The following STPG2 variants were observed in gnomAD, a reference collection of about 807,000 sequenced individuals.
STPG2 encodes the protein sperm tail PG-rich repeat containing 2.
STPG2 carries 56 observed loss-of-function variants against 54.2 expected under a neutral mutation model. That is an observed-to-expected ratio of 1.03 (90% CI 0.83 to 1.29). STPG2 has a LOEUF of 1.29. STPG2 is among the 50% of genes most tolerant of loss of function. The pLI, the probability that STPG2 is intolerant of heterozygous loss-of-function variation, is 0.00. For synonymous variants in STPG2, 200 were observed against 181.8 expected (o/e 1.10, Z -0.81); for missense variants, 596 against 544.9 (o/e 1.09, Z -0.93).
chr4:97,841,796 T>C (rs1189284451), intron 8 of STPG2, among the ~76,000 whole-genome samples: 3 of 151,802 alleles, frequency 2.0e-5, no homozygotes, highest in Non-Finnish European at 4.4e-5. Flanking sequence ...TCCTGAGTTT[T>C]TGCATGTGAA....
At chr4:97,665,094 C>A (rs1387967375) in intron 10 of STPG2, among the ~76,000 whole-genome samples, 1 of 152,100 alleles carries the variant, frequency 6.6e-6, no homozygotes, top group Non-Finnish European at 1.5e-5. Flanking sequence ...CTCGGAGATG[C>A]CAGGAACTGC....
intron 10 of STPG2, among the ~76,000 whole-genome samples, chr4:97,590,741 A>C (rs1466246259): frequency 6.6e-6 from 1 of 151,994 alleles, no homozygotes; most frequent in Non-Finnish European, 1.5e-5. Context: ...TGCAGGTGTA[A>C]AAATTAGAAT....
At chr4:97,914,286 T>C (rs941737710) in intron 8 of STPG2, among the ~76,000 whole-genome samples, 2 of 152,132 alleles carry the variant, frequency 1.3e-5, no homozygotes, top group Non-Finnish European at 2.9e-5. Flanking sequence ...TGAAGCCCAA[T>C]TGAAAACATT....
intron 10 of STPG2, among the ~76,000 whole-genome samples, chr4:97,627,420 G>C (rs1006249690): frequency 2.6e-4 from 40 of 152,196 alleles, no homozygotes; most frequent in African/African-American, 9.4e-4. Context: ...AAATGAAATT[G>C]CAAAGTAATT....
intron 7 of STPG2, among the ~76,000 whole-genome samples, chr4:97,970,056 AC>A (rs1734267956): frequency 6.6e-6 from 1 of 152,222 alleles, no homozygotes; most frequent in South Asian, 2.1e-4. Flanking sequence ...ACTCCCATTC[AC>A]AATTGCTTCA....
intron 9 of STPG2, among the ~76,000 whole-genome samples, chr4:97,764,147 CACAG>C (rs984165277): frequency 8.2e-5 from 12 of 145,554 alleles, no homozygotes; most frequent in East Asian, 4.3e-4. Context: ...CACACAGAGG[CACAG>C]ACAGACACAC....
chr4:97,798,488 C>T (rs929819035), intron 9 of STPG2, among the ~76,000 whole-genome samples: 6 of 152,082 alleles, frequency 3.9e-5, no homozygotes, highest in Admixed American at 1.3e-4. Context: ...TGCAGTTGAG[C>T]GGTTTTCAGT....
intron 9 of STPG2, among the ~76,000 whole-genome samples, chr4:97,781,486 G>T (rs142584159): frequency 6.6e-6 from 1 of 152,072 alleles, no homozygotes; most frequent in Admixed American, 6.5e-5. Flanking sequence ...ATTCACAGCC[G>T]AATTCTACCA....
chr4:97,937,892 G>A (rs759516210), intron 8 of STPG2, among the ~76,000 whole-genome samples: 3 of 152,154 alleles, frequency 2.0e-5, no homozygotes, highest in East Asian at 1.9e-4. Flanking sequence ...CCCATTTAAC[G>A]AAGCCCTTTG....
intron 7 of STPG2, among the ~76,000 whole-genome samples, chr4:97,946,966 T>C (rs1733250795): frequency 6.6e-6 from 1 of 152,172 alleles, no homozygotes; most frequent in Admixed American, 6.6e-5. Context: ...GCATTGAATC[T>C]GTCGATTGCT....
chr4:98,034,711 A>C (rs922728557), intron 5 of STPG2, among the ~76,000 whole-genome samples: 3 of 152,226 alleles, frequency 2.0e-5, no homozygotes, highest in African/African-American at 7.2e-5. Flanking sequence ...CTACAAGCCT[A>C]CAGTAACCAA....
intron 9 of STPG2, among the ~76,000 whole-genome samples, chr4:97,739,072 C>G (rs1190747012): frequency 6.6e-6 from 1 of 152,012 alleles, no homozygotes; most frequent in Non-Finnish European, 1.5e-5. Context: ...CTCAAAACCG[C>G]TCAACTACAT....
chr4:97,808,940 T>C (rs1227998401), intron 9 of STPG2, among the ~76,000 whole-genome samples: 2 of 151,950 alleles, frequency 1.3e-5, no homozygotes, highest in African/African-American at 2.4e-5. Flanking sequence ...AGTCTCAAAA[T>C]ATATAAAGAA....
At chr4:97,750,762 G>T (rs1560513910) in intron 9 of STPG2, among the ~76,000 whole-genome samples, 1 of 151,636 alleles carries the variant, frequency 6.6e-6, no homozygotes, top group East Asian at 1.9e-4. Flanking sequence ...AAGAAGCAGA[G>T]AGAAAAGAAA....
intron 3 of STPG2, among the ~76,000 whole-genome samples, chr4:98,113,498 T>A (rs1412205568): frequency 1.3e-5 from 2 of 152,094 alleles, no homozygotes; most frequent in Non-Finnish European, 2.9e-5. Context: ...CCTCTAGGAA[T>A]ATTTCCAGCA....
chr4:97,836,626 A>G (rs1379544833), intron 9 of STPG2, among the ~76,000 whole-genome samples: 1 of 151,594 alleles, frequency 6.6e-6, no homozygotes, highest in Non-Finnish European at 1.5e-5. Flanking sequence ...ATTATTTGGA[A>G]TTGATTCACT....
chr4:97,983,116 G>C (rs1424742473), intron 5 of STPG2, among the ~76,000 whole-genome samples: 1 of 152,102 alleles, frequency 6.6e-6, no homozygotes, highest in Non-Finnish European at 1.5e-5. Flanking sequence ...TGCCACCCTT[G>C]AGATAGAAAG....
chr4:97,612,072 T>C (rs1411114907), intron 10 of STPG2, among the ~76,000 whole-genome samples: 2 of 151,780 alleles, frequency 1.3e-5, no homozygotes, highest in African/African-American at 4.8e-5. Flanking sequence ...TGAAGGTCTT[T>C]AAAAATCAAG....
At chr4:97,924,238 C>T (rs1349166062) in intron 8 of STPG2, among the ~76,000 whole-genome samples, 4 of 152,170 alleles carry the variant, frequency 2.6e-5, no homozygotes, top group Non-Finnish European at 4.4e-5. Flanking sequence ...TAACACTCAC[C>T]GCGAGGGTCC....
Sources: allele counts gnomAD v4.1 joint callset (sites outside exome capture counted in the v4.1 genomes callset), GRCh38; gene constraint gnomAD v4.1.1; transcripts MANE v1.5; gene names NCBI Gene and HGNC (gene_info 2026-07-23, HGNC 2026-07-21).